The following SHISAL2B variants were observed in gnomAD, a reference collection of about 807,000 sequenced individuals.
SHISAL2B encodes protein shisa-like-2B.
SHISAL2B carries 12 observed loss-of-function variants against 16.5 expected under a neutral mutation model. The ratio of observed to expected loss-of-function variants is 0.73; its 90% CI spans 0.47 to 1.18. SHISAL2B has a LOEUF of 1.18. SHISAL2B is among the 50% of genes most tolerant of loss of function. The probability of loss-of-function intolerance (pLI) is 0.00; values close to 1 mark genes in which losing one functional copy is unlikely to be tolerated. For synonymous variants in SHISAL2B, 72 were observed against 75.0 expected, an observed-to-expected ratio of 0.96 and a Z score of 0.21; for missense variants, 183 against 193.6, an observed-to-expected ratio of 0.95 and a Z score of 0.33.
Position 64,695,488 on chromosome 5 carries a change from T to G in SHISAL2B, c.192-19T>G, listed in dbSNP as rs1039043094. On this transcript the variant is annotated intron_variant, in intron 1 of 2. Coordinates refer to ENST00000389074, the MANE Select transcript of SHISAL2B (RefSeq NM_001164442.2). ...TGAACCACTTTGTGTGACACATATT[T>G]TTTTTCTGTTTTCCTCAGCATTGGT... The G allele has an allele frequency of 1.3e-6, 2 of 1,516,124 alleles. No homozygotes were observed. Among genetic ancestry groups the G allele is most frequent in the Admixed American group, 4.2e-5 (2 of 47,814 alleles). 93.9% of individuals were successfully genotyped at this position (1,516,124 alleles called of 1,614,324 possible). A position where few individuals can be genotyped will look rare whatever the true frequency, so the allele number is the denominator to read the frequency against.
intron 2 of SHISAL2B, among the ~76,000 whole-genome samples, chr5:64,701,482 A>G (rs1364965847): frequency 2.6e-5 from 4 of 152,176 alleles, no homozygotes; most frequent in Admixed American, 6.5e-5. Flanking sequence ...CAGGAAGATA[A>G]AGCATATTTA....
chr5:64,691,433 TA>T (rs1389262930), intron 1 of SHISAL2B: 2 of 141,414 alleles, frequency 1.4e-5, no homozygotes, highest in Admixed American at 1.4e-4. Flanking sequence ...AACTGGGCTT[TA>T]CGACTTGCAC....
Position 64,690,702 on chromosome 5 carries a change from C to A in SHISAL2B, c.79C>A (p.Arg27Ser). 8 of 1,535,190 alleles carry A rather than the reference C, an allele frequency of 5.2e-6. No homozygotes were observed. The highest frequency in any genetic ancestry group is 7.0e-6 in the Non-Finnish European group (8 of 1,146,254). Residue 27 changes from arginine to serine, a missense_variant, in exon 1 of 3, where the codon CGC becomes AGC. Physicochemically the swap from Arg to Ser is moderately radical, Grantham distance 110. Transcript: ENST00000389074. ...SFVEPFQCPR[R>S]GEGAALQYCC... ...CGTGGAGCCCTTCCAGTGCCCCCGG[C>A]GCGGCGAGGGGGCAGCGCTCCAGTA... is the stretch of plus-strand genomic sequence containing the variant.
intron 2 of SHISAL2B, among the ~76,000 whole-genome samples, chr5:64,697,066 A>G (rs550442107): frequency 3.3e-5 from 5 of 152,232 alleles, no homozygotes; most frequent in Non-Finnish European, 5.9e-5. Flanking sequence ...GCCCAGCTGT[A>G]AAATTCCTCT....
In SHISAL2B at chr5:64,717,884, T is replaced by C; in HGVS notation, c.350-5T>C. 1 of 1,507,122 alleles carries C rather than the reference T, an allele frequency of 6.6e-7. No homozygotes were observed. Among genetic ancestry groups the C allele is most frequent in the Non-Finnish European group, 8.8e-7 (1 of 1,140,100 alleles). The allele number at this position is 1,507,122 out of a possible 1,614,324, so 93.4% of individuals were successfully genotyped here. On this transcript the variant is annotated splice_polypyrimidine_tract_variant and splice_region_variant and intron_variant, in intron 2 of 2. Coordinates refer to ENST00000389074, the MANE Select transcript of SHISAL2B (RefSeq NM_001164442.2). ...AAATAATTATTTTGTTTTGTGTATC[T>C]GCAGGCAAGTCAAATGGAAAAACCA... is the stretch of plus-strand genomic sequence containing the variant.
rs556689806 is a variant in SHISAL2B, at chr5:64,705,658, C to A, written c.349+9994C>A. On this transcript the variant is annotated intron_variant, in intron 2 of 2. Transcript: ENST00000389074. ...TAATATTAAACAAGTGAAAAATAACCTACAAACACCTTAATTTGATTTTCA... is the reference window on the plus strand; with the variant it reads ...TAATATTAAACAAGTGAAAAATAACATACAAACACCTTAATTTGATTTTCA... 2.6e-5 allele frequency among the ~76,000 whole-genome samples: 4 copies of A among 152,140 alleles called. No individual in the cohort carries two copies. In the South Asian group the frequency reaches 8.3e-4, roughly 32 times the overall value.
chr5:64,698,856 A>G (rs1355147629), intron 2 of SHISAL2B, among the ~76,000 whole-genome samples: 1 of 152,230 alleles, frequency 6.6e-6, no homozygotes. Flanking sequence ...TGTGTGATCA[A>G]AGGAGCATAT....
intron 2 of SHISAL2B, among the ~76,000 whole-genome samples, chr5:64,702,278 G>T (rs902312026): frequency 6.6e-6 from 1 of 151,778 alleles, no homozygotes; most frequent in Non-Finnish European, 1.5e-5. Flanking sequence ...TTGGTTCACC[G>T]CAACCTCCGC....
At chr5:64,690,890 G>T (rs1741637901) in intron 1 of SHISAL2B, 76 bp downstream of exon 1, 2 of 1,302,854 alleles carry the variant, frequency 1.5e-6, no homozygotes, top group Non-Finnish European at 2.0e-6. Flanking sequence ...CCACGCCAGG[G>T]CCAGGGAGGT....
chr5:64,696,066 A>G (rs1170859599), intron 2 of SHISAL2B, among the ~76,000 whole-genome samples: 1 of 152,210 alleles, frequency 6.6e-6, no homozygotes, highest in African/African-American at 2.4e-5. Context: ...AGAGGAACAT[A>G]AATTGTGAAG....
chr5:64,699,685 A>G (rs1741782350), intron 2 of SHISAL2B, among the ~76,000 whole-genome samples: 1 of 152,202 alleles, frequency 6.6e-6, no homozygotes, highest in South Asian at 2.1e-4. Flanking sequence ...TGTTTTCATT[A>G]TAGGAAATCT....
intron 2 of SHISAL2B, among the ~76,000 whole-genome samples, chr5:64,699,566 A>G (rs1442796185): frequency 6.6e-6 from 1 of 152,248 alleles, no homozygotes; most frequent in Admixed American, 6.5e-5. Flanking sequence ...AAATAACAAA[A>G]TCAAGCAAGT....
chr5:64,709,283 T>G (rs1268218291), intron 2 of SHISAL2B, among the ~76,000 whole-genome samples: 1 of 149,828 alleles, frequency 6.7e-6, no homozygotes, highest in Admixed American at 6.7e-5. Context: ...TGAGAATATG[T>G]GGTGTTTGGT....
chr5:64,708,464 T>G (rs1741903706), intron 2 of SHISAL2B, among the ~76,000 whole-genome samples: 1 of 152,156 alleles, frequency 6.6e-6, no homozygotes, highest in Non-Finnish European at 1.5e-5. Flanking sequence ...AAACCTTTAT[T>G]CTTTGAGAGA....
chr5:64,715,117 A>G (rs1305831293), intron 2 of SHISAL2B, among the ~76,000 whole-genome samples: 1 of 152,150 alleles, frequency 6.6e-6, no homozygotes, highest in African/African-American at 2.4e-5. Context: ...GTGTTGAACC[A>G]TGAAGTCGTC....
At chr5:64,695,137 C>CTATTAAAT (rs1741714304) in intron 1 of SHISAL2B, among the ~76,000 whole-genome samples, 2 of 152,008 alleles carry the variant, frequency 1.3e-5, no homozygotes, top group African/African-American at 4.8e-5. Flanking sequence ...TGATGGCGTG[C>CTATTAAAT]ACCTGTAGTC....
chr5:64,712,270 T>G (rs1321310776), intron 2 of SHISAL2B, among the ~76,000 whole-genome samples: 46 of 151,914 alleles, frequency 3.0e-4, no homozygotes, highest in Admixed American at 8.5e-4. Flanking sequence ...AAGAACATCT[T>G]TATTTCTGCC....
chr5:64,716,665 G>A (rs1395528455), intron 2 of SHISAL2B, among the ~76,000 whole-genome samples: 3 of 152,172 alleles, frequency 2.0e-5, no homozygotes, highest in African/African-American at 7.2e-5. Flanking sequence ...TTATCTGGAA[G>A]AAGAGCATAG....
At chr5:64,695,881 T>C (rs930307805) in intron 2 of SHISAL2B, among the ~76,000 whole-genome samples, 1 of 152,246 alleles carries the variant, frequency 6.6e-6, no homozygotes, top group Non-Finnish European at 1.5e-5. Flanking sequence ...ATTATTCTCA[T>C]GAAAATTAAA....
Sources: allele counts gnomAD v4.1 joint callset (sites outside exome capture counted in the v4.1 genomes callset), GRCh38; gene constraint gnomAD v4.1.1; transcripts MANE v1.5; gene names NCBI Gene and HGNC (gene_info 2026-07-23, HGNC 2026-07-21).